Variants in TCF12 observed in about 807,000 individuals in gnomAD.
TCF12 encodes DNA-binding protein HTF4.
In TCF12, 45 loss-of-function variants were observed where a neutral mutation model predicts 86.0. That is an observed-to-expected ratio of 0.52 (90% confidence interval 0.41 to 0.67). TCF12 has a LOEUF of 0.67. Ranked by LOEUF, TCF12 falls within the 30% of genes least tolerant of loss-of-function variation. TCF12 has a pLI of 0.00. For synonymous variants in TCF12, 330 were observed against 299.6 expected, an observed-to-expected ratio of 1.10 and a Z score of -1.05; for missense variants, 881 against 859.9, an observed-to-expected ratio of 1.02 and a Z score of -0.31.
chr15:57,247,145 C>G (rs2151987806), intron 13 of TCF12: 2 of 559,696 alleles, frequency 3.6e-6, no homozygotes, highest in Non-Finnish European at 6.8e-6. Flanking sequence ...CTTCACTCCA[C>G]CGTCACTCCA....
At chr15:57,022,455 C>T (rs1269573810) in intron 3 of TCF12, among the ~76,000 whole-genome samples, 1 of 152,180 alleles carries the variant, frequency 6.6e-6, no homozygotes, top group Non-Finnish European at 1.5e-5. Context: ...TTTTCTTAAT[C>T]TAGTCTATCA....
chr15:57,229,352 A>G (rs1036792361), intron 8 of TCF12, among the ~76,000 whole-genome samples: 2 of 151,888 alleles, frequency 1.3e-5, no homozygotes, highest in Admixed American at 1.3e-4. Context: ...GGAACAAACC[A>G]TTTTATCTGC....
At chr15:57,080,324 T>C (rs1472399355) in intron 4 of TCF12, among the ~76,000 whole-genome samples, 9 of 152,236 alleles carry the variant, frequency 5.9e-5, no homozygotes, top group African/African-American at 1.7e-4. Flanking sequence ...AGAAACTGTA[T>C]ACTGTACATC....
intron 3 of TCF12, among the ~76,000 whole-genome samples, chr15:56,929,038 C>T (rs2060135156): frequency 6.6e-6 from 1 of 152,174 alleles, no homozygotes. Context: ...TTATTTTCTA[C>T]TTGCTACCAC....
chr15:57,180,106 T>C (rs2056231821), intron 6 of TCF12, among the ~76,000 whole-genome samples: 1 of 152,258 alleles, frequency 6.6e-6, no homozygotes, highest in Non-Finnish European at 1.5e-5. Flanking sequence ...AATACAATTA[T>C]TTTACAAATG....
intron 16 of TCF12, among the ~76,000 whole-genome samples, chr15:57,261,653 G>T (rs1335187610): frequency 6.6e-6 from 1 of 152,074 alleles, no homozygotes. Context: ...TGCAATAGCT[G>T]ACTGTTTGAT....
intron 3 of TCF12, among the ~76,000 whole-genome samples, chr15:56,995,266 G>A (rs1284761758): frequency 5.1e-5 from 1 of 19,696 alleles, no homozygotes; most frequent in Non-Finnish European, 1.2e-4. Context: ...TTTTGCTTAG[G>A]ATTGCTTTGG....
intron 3 of TCF12, among the ~76,000 whole-genome samples, chr15:56,928,951 A>G (rs1225957782): frequency 6.6e-6 from 1 of 152,212 alleles, no homozygotes; most frequent in Non-Finnish European, 1.5e-5. Flanking sequence ...AAGAAGGAAC[A>G]TAAACTCCCT....
chr15:57,244,686 C>T (rs182185326), intron 13 of TCF12, among the ~76,000 whole-genome samples: 1 of 152,112 alleles, frequency 6.6e-6, no homozygotes. Context: ...GTCTTGAACT[C>T]GTGACTTCAA....
At chr15:56,985,699 G>C (rs2063147703) in intron 3 of TCF12, among the ~76,000 whole-genome samples, 1 of 152,118 alleles carries the variant, frequency 6.6e-6, no homozygotes. Context: ...TTACCCCATA[G>C]TACCTACCTA....
intron 4 of TCF12, among the ~76,000 whole-genome samples, chr15:57,081,986 C>G (rs1480880203): frequency 1.3e-5 from 2 of 152,212 alleles, no homozygotes. Context: ...TATCTACTTT[C>G]ACCTTCAAGG....
chr15:57,172,235 G>A (rs1157856695), intron 6 of TCF12, among the ~76,000 whole-genome samples: 12 of 152,014 alleles, frequency 7.9e-5, no homozygotes, highest in Admixed American at 2.0e-4. Context: ...GCTTCAAAAC[G>A]AAGCAAAACA....
At chr15:57,269,064 A>C (rs369897501) in intron 18 of TCF12, among the ~76,000 whole-genome samples, 6 of 152,130 alleles carry the variant, frequency 3.9e-5, no homozygotes, top group African/African-American at 2.4e-5. Flanking sequence ...GCTGAGTTCA[A>C]GTCCTGGATA....
intron 3 of TCF12, among the ~76,000 whole-genome samples, chr15:56,936,076 C>G (rs1423535839): frequency 4.6e-5 from 7 of 152,238 alleles, no homozygotes; most frequent in African/African-American, 1.7e-4. Context: ...ACACTGTTTT[C>G]TGTAGTGGTT....
At chr15:57,075,836 T>TCTCTCTCTCTCTCTCTCTCTC (rs1567371379) in intron 4 of TCF12, among the ~76,000 whole-genome samples, 1 of 22,344 alleles carries the variant, frequency 4.5e-5, no homozygotes, top group Non-Finnish European at 1.0e-4. Context: ...CTCTCTCTCT[T>TCTCTCTCTCTCTCTCTCTCTC]TTCTTTCTTT....
At chr15:56,963,674 TACCC>T (rs2061876738) in intron 3 of TCF12, among the ~76,000 whole-genome samples, 1 of 152,366 alleles carries the variant, frequency 6.6e-6, no homozygotes, top group African/African-American at 2.4e-5. Context: ...AGGAGGTTCC[TACCC>T]ACAACCTTCT....
At chr15:56,970,996 G>T (rs1225292655) in intron 3 of TCF12, among the ~76,000 whole-genome samples, 1 of 152,178 alleles carries the variant, frequency 6.6e-6, no homozygotes, top group Non-Finnish European at 1.5e-5. Flanking sequence ...TGAGGCTGTA[G>T]TGTTTGTGCC....
intron 4 of TCF12, among the ~76,000 whole-genome samples, chr15:57,065,642 C>T (rs1274708245): frequency 1.3e-5 from 2 of 149,460 alleles, no homozygotes; most frequent in Non-Finnish European, 3.0e-5. Flanking sequence ...CCACCACCCC[C>T]CTTGAGTGCT....
intron 3 of TCF12, among the ~76,000 whole-genome samples, chr15:57,034,880 T>C (rs1218041044): frequency 6.6e-6 from 1 of 152,224 alleles, no homozygotes; most frequent in African/African-American, 2.4e-5. Flanking sequence ...CTTTACTATT[T>C]GAACAGGCAG....
Sources: gnomAD v4.1 joint callset for allele counts (sites outside exome capture counted in the v4.1 genomes callset) on GRCh38, gnomAD v4.1.1 for gene constraint, MANE v1.5 for transcripts, NCBI Gene and HGNC (gene_info 2026-07-23, HGNC 2026-07-21) for gene names.